Variants in KIAA1549L observed in about 807,000 individuals in gnomAD.
The protein encoded by KIAA1549L is UPF0606 protein KIAA1549L.
Under a neutral mutation model 160.7 loss-of-function variants are expected in KIAA1549L, and 88 were observed. The ratio of observed to expected loss-of-function variants is 0.55; its 90% CI spans 0.46 to 0.65. The LOEUF is 0.65. Among genes scored for constraint, KIAA1549L ranks in the 30% least tolerant of loss-of-function variants. KIAA1549L has a pLI of 0.00. For synonymous variants in KIAA1549L, 950 were observed against 976.7 expected (o/e 0.97, Z 0.51); for missense variants, 2,258 against 2,437.5 (o/e 0.93, Z 1.55).
chr11:33,666,416 T>A (rs574810212), intron 20 of KIAA1549L, among the ~76,000 whole-genome samples: 1 of 152,182 alleles, frequency 6.6e-6, no homozygotes, highest in South Asian at 2.1e-4. Flanking sequence ...AGAATCCCCC[T>A]CCCACTGCAT....
chr11:33,651,024 G>A (rs912519197), intron 17 of KIAA1549L, among the ~76,000 whole-genome samples: 7 of 152,090 alleles, frequency 4.6e-5, no homozygotes, highest in African/African-American at 1.7e-4. Context: ...AGGCCCACTG[G>A]CATCTAACCT....
intron 1 of KIAA1549L, among the ~76,000 whole-genome samples, chr11:33,488,242 A>T (rs946338308): frequency 1.3e-5 from 2 of 152,240 alleles, no homozygotes; most frequent in African/African-American, 4.8e-5. Context: ...TGTTAATGTC[A>T]TAAGTATTTA....
At chr11:33,614,916 C>G (rs527638541) in intron 15 of KIAA1549L, among the ~76,000 whole-genome samples, 1 of 151,776 alleles carries the variant, frequency 6.6e-6, no homozygotes, top group Non-Finnish European at 1.5e-5. Flanking sequence ...GGGCCTCAAG[C>G]TATATTTTTA....
Position 33,660,919 on chromosome 11 carries a change from G to A in KIAA1549L, c.6064G>A (p.Gly2022Ser), listed in dbSNP as rs756686191. The change falls in exon 20 of 21, where the codon GGC becomes AGC. Residue 2022 changes from glycine to serine, a missense_variant. Physicochemically the swap from Gly to Ser is moderately conservative, Grantham distance 56. Around this residue, in one of 6 missense-constraint regions of KIAA1549L, gnomAD observed 1,359 missense variants for 1,546.6 expected, o/e 0.88. Transcript: ENST00000658780. ...AGCTGCCAACAGACCTGGCTTCACC[G>A]GCTACTTCATCCCAACGCCTCCCTC... ...IPAANRPGFT[G>S]YFIPTPPSSY... 8.1e-6 allele frequency: 13 copies of A among 1,613,602 alleles called. No homozygotes were observed. The highest frequency in any genetic ancestry group is 4.5e-5 in the East Asian group (2 of 44,878).
chr11:33,578,704 G>A (rs1447287342), intron 10 of KIAA1549L, among the ~76,000 whole-genome samples: 2 of 152,178 alleles, frequency 1.3e-5, no homozygotes, highest in African/African-American at 4.8e-5. Context: ...CCAGCCGTGT[G>A]GCCTGCGTTT....
chr11:33,548,266 G>A (rs372650794), intron 4 of KIAA1549L, among the ~76,000 whole-genome samples: 3 of 152,094 alleles, frequency 2.0e-5, no homozygotes, highest in East Asian at 1.9e-4. Flanking sequence ...GGGCGTGGTG[G>A]CAGGTGCCTG....
chr11:33,641,224 CTAAACAGACAA>C (rs1033555570), intron 16 of KIAA1549L, among the ~76,000 whole-genome samples: 1 of 152,142 alleles, frequency 6.6e-6, no homozygotes, highest in Non-Finnish European at 1.5e-5. Context: ...TATTTGTTCG[CTAAACAGACAA>C]TTACAGCTTC....
intron 8 of KIAA1549L, among the ~76,000 whole-genome samples, chr11:33,562,712 C>T (rs1468499410): frequency 2.2e-5 from 3 of 134,796 alleles, no homozygotes; most frequent in Non-Finnish European, 3.1e-5. Flanking sequence ...GAGTTTCGTT[C>T]TCGTGGCTCA....
intron 1 of KIAA1549L, among the ~76,000 whole-genome samples, chr11:33,535,494 G>A (rs751255473): frequency 3.0e-4 from 46 of 152,006 alleles, no homozygotes; most frequent in Non-Finnish European, 4.9e-4. Flanking sequence ...GTGACATGGC[G>A]AAACCCGTCT....
chr11:33,554,044 CATTTTTGCCTCGGCTG>C (rs2133204358), intron 6 of KIAA1549L, among the ~76,000 whole-genome samples: 1 of 152,232 alleles, frequency 6.6e-6, no homozygotes, highest in South Asian at 2.1e-4. Context: ...ACCCTGTTTC[CATTTTTGCCTCGGCTG>C]ACAGGAATCC....
At position 33,539,393 on chromosome 11, in the gene KIAA1549L, C is replaced by T. The variant is rs148296916; in HGVS notation, c.239-2409C>T. On this transcript the variant is annotated intron_variant, in intron 1 of 20. Coordinates refer to ENST00000658780, the MANE Select transcript of KIAA1549L (RefSeq NM_012194.3). ...TGCCCACATAAATTCCAAATCTACT[C>T]TGGTATCACTTTCTGAATAGGTTAG... Among the ~76,000 whole-genome samples the T allele has an allele frequency of 5.0e-3, 762 of 152,314 alleles. 10 individuals are homozygous for T. The highest frequency in any genetic ancestry group is 0.024 in the Middle Eastern group (7 of 294).
rs991852529 is a variant in KIAA1549L at position 33,545,220 on chromosome 11, C to T, written c.3227C>T (p.Thr1076Ile). The T allele has an allele frequency of 6.2e-7, 1 of 1,614,040 alleles. No homozygotes were observed. The highest frequency in any genetic ancestry group is 8.5e-7 in the Non-Finnish European group (1 of 1,179,892). Residue 1076 changes from threonine to isoleucine, a missense_variant, in exon 3 of 21, where the codon ACA (threonine) becomes ATA (isoleucine). This residue lies in a region of KIAA1549L where 1,359 missense variants were observed against 1,546.6 expected (regional missense o/e 0.88). Coordinates refer to ENST00000658780, the MANE Select transcript of KIAA1549L (RefSeq NM_012194.3). The part of the protein sequence containing the change: ...PRPLTVTAAL[T>I]SITASVKATR... ...CCACTGACAGTCACGGCCGCGCTGA[C>T]ATCCATTACAGCCTCAGTGAAGGCC... is the stretch of plus-strand genomic sequence containing the variant.
At chr11:33,424,680 A>G (rs939668144) in intron 1 of KIAA1549L, among the ~76,000 whole-genome samples, 3 of 152,190 alleles carry the variant, frequency 2.0e-5, no homozygotes, top group African/African-American at 7.2e-5. Context: ...GAACTTTTTG[A>G]GTCCCCTCAT....
Position 33,609,904 on chromosome 11 carries a change from A to C in KIAA1549L, c.5217A>C (p.Glu1739Asp). The C allele has an allele frequency of 6.2e-7, 1 of 1,614,020 alleles. No individual in the cohort carries two copies. Among genetic ancestry groups the C allele is most frequent in the Non-Finnish European group, 8.5e-7 (1 of 1,179,890 alleles). ...RKKMYEKAPK[E>D]MEHVLDPDSE... ...AGATGTATGAAAAAGCCCCGAAGGA[A>C]ATGGAGCATGTTTTGGATCCAGATT... is the stretch of plus-strand genomic sequence containing the variant. Residue 1739 changes from glutamate to aspartate, a missense_variant, in exon 15 of 21, where the codon GAA (glutamate) becomes GAC (aspartate). Transcript: ENST00000658780.
At chr11:33,647,077 G>A (rs1407807085) in intron 17 of KIAA1549L, among the ~76,000 whole-genome samples, 1 of 152,118 alleles carries the variant, frequency 6.6e-6, no homozygotes, top group African/African-American at 2.4e-5. Context: ...TGGTACGTAG[G>A]AAATGCTATA....
chr11:33,471,586 G>A (rs995360198), intron 1 of KIAA1549L, among the ~76,000 whole-genome samples: 1 of 152,034 alleles, frequency 6.6e-6, no homozygotes, highest in African/African-American at 2.4e-5. Flanking sequence ...TCTCATTCAG[G>A]TTTTGAAGAA....
At chr11:33,419,448 C>T (rs559913467) in intron 1 of KIAA1549L, among the ~76,000 whole-genome samples, 3 of 152,240 alleles carry the variant, frequency 2.0e-5, no homozygotes, top group African/African-American at 7.2e-5. Flanking sequence ...GCCTGTTTTC[C>T]CTCGTCTTTT....
Position 33,486,748 on chromosome 11 carries a change from T to TAA in KIAA1549L, c.239-55045_239-55044dup, listed in dbSNP as rs373264993. 8.7e-4 allele frequency among the ~76,000 whole-genome samples: 131 copies of TAA among 150,210 alleles called. No homozygotes were observed. In the South Asian group the frequency reaches 0.025, roughly 29 times the overall value. ...TTCAAATGTCAAGGTCTTTCCAGATTAAAAAAAAAATCTATGAATAACTCA... is the reference window on the plus strand; with the variant it reads ...TTCAAATGTCAAGGTCTTTCCAGATTAAAAAAAAAAAATCTATGAATAACTCA... On this transcript the variant is annotated intron_variant, in intron 1 of 20. Transcript: ENST00000658780.
chr11:33,504,674 G>T (rs968089009), intron 1 of KIAA1549L, among the ~76,000 whole-genome samples: 1 of 151,958 alleles, frequency 6.6e-6, no homozygotes, highest in South Asian at 2.1e-4. Flanking sequence ...CACCATGTTG[G>T]CCAGGCTGGT....
Sources: allele counts gnomAD v4.1 joint callset (sites outside exome capture counted in the v4.1 genomes callset), GRCh38; gene constraint gnomAD v4.1.1; regional missense constraint gnomAD v4.1.1; transcripts MANE v1.5; gene names NCBI Gene and HGNC (gene_info 2026-07-23, HGNC 2026-07-21).